The following CEMIP2 variants were observed in gnomAD, a reference collection of about 807,000 sequenced individuals.
CEMIP2 encodes cell surface hyaluronidase CEMIP2.
Under a neutral mutation model 146.9 loss-of-function variants are expected in CEMIP2, and 79 were observed. That is an observed-to-expected ratio of 0.54 (90% CI 0.45 to 0.65). The LOEUF is 0.65. Among genes scored for constraint, CEMIP2 ranks in the 30% least tolerant of loss-of-function variants. The pLI, the probability that CEMIP2 is intolerant of heterozygous loss-of-function variation, is 0.00. For synonymous variants in CEMIP2, 601 were observed against 606.3 expected, an observed-to-expected ratio of 0.99 and a Z score of 0.13; for missense variants, 1,596 against 1,696.2, an observed-to-expected ratio of 0.94 and a Z score of 1.04.
intron 3 of CEMIP2, 35 bp downstream of exon 3, chr9:71,746,165 AC>A: frequency 6.2e-7 from 1 of 1,603,130 alleles, no homozygotes; most frequent in Non-Finnish European, 8.5e-7. Context: ...TTAAAGAGCA[AC>A]CTTGCAGTTC....
intron 16 of CEMIP2, among the ~76,000 whole-genome samples, chr9:71,710,873 G>C (rs1304848513): frequency 6.6e-6 from 1 of 152,114 alleles, no homozygotes; most frequent in Non-Finnish European, 1.5e-5. Context: ...ACTCCAATTT[G>C]TACTTGTGCC....
chr9:71,728,279 A>ATATG lies in CEMIP2; in HGVS notation c.2049+1565_2049+1566insCATA, dbSNP rs1554684721. Reference sequence around the variant, plus strand: ...TATACACGTATATATATATATATATATGTATATATATATATATATATACAT... The same window carrying ATATG: ...TATACACGTATATATATATATATATATATGTGTATATATATATATATATATACAT... On this transcript the variant is annotated intron_variant, in intron 10 of 23. Coordinates refer to ENST00000377044, the MANE Select transcript of CEMIP2 (RefSeq NM_013390.3). 1.4e-4 allele frequency among the ~76,000 whole-genome samples: 2 copies of ATATG among 14,736 alleles called. 1 individual carries two copies. The highest frequency in any genetic ancestry group is 3.2e-4 in the African/African-American group (2 of 6,346). The allele number at this position is 14,736 out of a possible 152,430, so 9.7% of individuals were successfully genotyped here.
At chr9:71,716,617 C>T in intron 13 of CEMIP2, 65 bp from the exon 14 acceptor site, 1 of 1,325,846 alleles carries the variant, frequency 7.5e-7, no homozygotes, top group Non-Finnish European at 1.1e-6. Context: ...AGGTAATTCT[C>T]TCAATATTTA....
chr9:71,759,341 T>C lies in CEMIP2; in HGVS notation c.-12-8956A>G, dbSNP rs1824557785. On this transcript the variant is annotated intron_variant, in intron 1 of 23. Coordinates refer to ENST00000377044, the MANE Select transcript of CEMIP2 (RefSeq NM_013390.3). ...AAATCTTGCCTGCCCCAAAAACCTATTAAAATATAATACAGCGAAAGTATA... is the reference window on the plus strand; with the variant it reads ...AAATCTTGCCTGCCCCAAAAACCTACTAAAATATAATACAGCGAAAGTATA... Among the ~76,000 whole-genome samples the C allele has an allele frequency of 2.6e-5, 4 of 152,168 alleles. No individual in the cohort carries two copies. The South Asian group carries it at 8.3e-4, about 31-fold the overall frequency.
chr9:71,686,039 G>A (rs1822050500), intron 22 of CEMIP2, 193 bp from the exon 23 acceptor site: 1 of 574,784 alleles, frequency 1.7e-6, no homozygotes, highest in Non-Finnish European at 3.1e-6. Flanking sequence ...TTCACACGTT[G>A]CTCTTACAAG....
intron 20 of CEMIP2, among the ~76,000 whole-genome samples, chr9:71,696,972 A>C (rs1418789108): frequency 6.6e-6 from 1 of 152,206 alleles, no homozygotes; most frequent in Non-Finnish European, 1.5e-5. Flanking sequence ...ATGAAAAGAA[A>C]GATTTAGTTT....
At chr9:71,690,011 G>A (rs1822178518) in intron 22 of CEMIP2, 81 bp downstream of exon 22, 2 of 1,531,704 alleles carry the variant, frequency 1.3e-6, no homozygotes, top group South Asian at 1.2e-5. Flanking sequence ...TAAAAAATCG[G>A]ACTTGACCAG....
intron 22 of CEMIP2, 45 bp from the exon 23 acceptor site, chr9:71,685,891 G>A (rs1179219396): frequency 3.0e-6 from 4 of 1,353,122 alleles, no homozygotes; most frequent in Non-Finnish European, 4.2e-6. Context: ...CAATCCTTCA[G>A]CATGAGTATC....
chr9:71,704,415 G>T, intron 18 of CEMIP2, 180 bp downstream of exon 18: 1 of 630,902 alleles, frequency 1.6e-6, no homozygotes, highest in Non-Finnish European at 2.7e-6. Context: ...GAAATGACAG[G>T]ATTCAATTTG....
chr9:71,689,775 G>A (rs1190150573), intron 22 of CEMIP2, among the ~76,000 whole-genome samples: 1 of 152,060 alleles, frequency 6.6e-6, no homozygotes, highest in Non-Finnish European at 1.5e-5. Context: ...TTTGTTTTAC[G>A]AAACTCAAAA....
intron 4 of CEMIP2, among the ~76,000 whole-genome samples, chr9:71,744,726 T>C (rs62549289): frequency 0.066 from 10,108 of 152,236 alleles, 486 homozygotes; most frequent in South Asian, 0.19. Context: ...CAGAGGCAAA[T>C]TGTCCTTAAA....
intron 12 of CEMIP2, 142 bp downstream of exon 12, chr9:71,722,285 G>A: frequency 1.7e-6 from 1 of 576,904 alleles, no homozygotes; most frequent in Non-Finnish European, 3.0e-6. Context: ...AACAGAATAA[G>A]TGGTTTTCCA....
At chr9:71,733,126 C>G (rs946217478) in intron 6 of CEMIP2, among the ~76,000 whole-genome samples, 8 of 151,950 alleles carry the variant, frequency 5.3e-5, no homozygotes, top group Non-Finnish European at 1.2e-4. Context: ...AGGGTGTCAA[C>G]TTGTTTATGC....
chr9:71,688,102 C>T (rs948873197), intron 22 of CEMIP2, among the ~76,000 whole-genome samples: 1 of 152,174 alleles, frequency 6.6e-6, no homozygotes, highest in African/African-American at 2.4e-5. Context: ...AGCAATCGTC[C>T]CGCCATGGCC....
intron 1 of CEMIP2, among the ~76,000 whole-genome samples, chr9:71,761,518 G>A (rs771916451): frequency 1.3e-5 from 2 of 152,202 alleles, no homozygotes; most frequent in Non-Finnish European, 1.5e-5. Context: ...CAGCATCATA[G>A]TAAAGTTTCT....
intron 21 of CEMIP2, among the ~76,000 whole-genome samples, chr9:71,692,140 A>C (rs1822247293): frequency 6.6e-6 from 1 of 151,484 alleles, no homozygotes; most frequent in Non-Finnish European, 1.5e-5. Context: ...AACAACCAAA[A>C]ACCCCTAATG....
chr9:71,701,953 C>T (rs1822573718), intron 18 of CEMIP2, among the ~76,000 whole-genome samples: 1 of 152,078 alleles, frequency 6.6e-6, no homozygotes, highest in Non-Finnish European at 1.5e-5. Context: ...TAATATGTAA[C>T]AAGGCCTTAA....
At chr9:71,713,723 T>C (rs1398870080) in intron 15 of CEMIP2, among the ~76,000 whole-genome samples, 1 of 152,182 alleles carries the variant, frequency 6.6e-6, no homozygotes, top group Non-Finnish European at 1.5e-5. Flanking sequence ...AAGAGCCTAA[T>C]TGTGAAGAGC....
At position 71,746,596 on chromosome 9, in the gene CEMIP2, C is replaced by CAAAAAAAAA. The variant is rs5898226; in HGVS notation, c.332-264_332-256dup. ...GCATCTAGTTCAGGACAAACTTCAC[C>CAAAAAAAAA]AAAAAAAAAAAAAAAAAAAAAAAGT... is the stretch of plus-strand genomic sequence containing the variant. On this transcript the variant is annotated intron_variant, in intron 2 of 23. Transcript: ENST00000377044. Among the ~76,000 whole-genome samples, 4 of 75,174 alleles carry CAAAAAAAAA rather than the reference C, an allele frequency of 5.3e-5. No homozygotes were observed. The South Asian group carries it at 2.0e-3, about 37-fold the overall frequency. 49.3% of individuals were successfully genotyped at this position (75,174 alleles called of 152,430 possible).
Sources: allele counts gnomAD v4.1 joint callset (sites outside exome capture counted in the v4.1 genomes callset), GRCh38; gene constraint gnomAD v4.1.1; transcripts MANE v1.5; gene names NCBI Gene and HGNC (gene_info 2026-07-23, HGNC 2026-07-21).